ROBO1: variants seen among roughly 807,000 people sequenced by gnomAD.
ROBO1 encodes roundabout homolog 1.
A neutral mutation model predicts 195.9 loss-of-function variants in ROBO1; 149 were observed. That is an observed-to-expected ratio of 0.76 (90% CI 0.67 to 0.87). The LOEUF (loss-of-function observed/expected upper bound fraction) is 0.87, where lower values mean the gene tolerates loss of function less well. Ranked by LOEUF, ROBO1 falls within the 40% of genes least tolerant of loss-of-function variation. The pLI, the probability that ROBO1 is intolerant of heterozygous loss-of-function variation, is 0.00. For synonymous variants in ROBO1, 816 were observed against 733.2 expected, an observed-to-expected ratio of 1.11 and a Z score of -1.82; for missense variants, 1,933 against 2,068.3, an observed-to-expected ratio of 0.93 and a Z score of 1.27.
intron 1 of ROBO1, among the ~76,000 whole-genome samples, chr3:79,615,420 T>C (rs1410937122): frequency 2.0e-5 from 3 of 152,244 alleles, no homozygotes; most frequent in Non-Finnish European, 4.4e-5. Context: ...CCCTAAAACA[T>C]ATAAATCCAA....
At position 79,069,830 on chromosome 3, in the gene ROBO1, C is replaced by A. The variant is rs115228150; in HGVS notation, c.172+55626G>T. ...TATTGAATTAATCAGTATATGAGAACAATTCCCAGAAAATAATAGTTATAA... is the reference window on the plus strand; with the variant it reads ...TATTGAATTAATCAGTATATGAGAAAAATTCCCAGAAAATAATAGTTATAA... On this transcript the variant is annotated intron_variant, in intron 3 of 30. Transcript: ENST00000464233. Among the ~76,000 whole-genome samples the A allele has an allele frequency of 4.2e-3, 644 of 152,000 alleles. 10 individuals carry two copies. Among genetic ancestry groups the A allele is most frequent in the African/African-American group, 0.015 (612 of 41,532 alleles).
chr3:78,650,311 A>C lies in ROBO1; in HGVS notation c.2812+1421T>G, dbSNP rs889005726. Among the ~76,000 whole-genome samples the C allele has an allele frequency of 2.0e-5, 3 of 152,252 alleles. No homozygotes were observed. In the South Asian group the frequency reaches 6.2e-4, roughly 32 times the overall value. On this transcript the variant is annotated intron_variant, in intron 19 of 30. Coordinates refer to ENST00000464233, the MANE Select transcript of ROBO1 (RefSeq NM_002941.4). ...ATTTCACAGGCGGGAATATTGACAT[A>C]CTGCTTCATCCCTAGAGAGGACACA...
chr3:79,085,021 C>A (rs1246912404), intron 3 of ROBO1, among the ~76,000 whole-genome samples: 1 of 152,112 alleles, frequency 6.6e-6, no homozygotes, highest in Non-Finnish European at 1.5e-5. Context: ...TAGTTACTAA[C>A]ATTTTTATAT....
At chr3:79,503,022 G>A (rs188175821) in intron 2 of ROBO1, among the ~76,000 whole-genome samples, 3 of 152,284 alleles carry the variant, frequency 2.0e-5, no homozygotes, top group Admixed American at 6.5e-5. Context: ...AGCAGGCTGC[G>A]TGAGCTAACA....
intron 2 of ROBO1, among the ~76,000 whole-genome samples, chr3:79,350,139 T>C (rs1433507361): frequency 6.6e-6 from 1 of 152,224 alleles, no homozygotes; most frequent in African/African-American, 2.4e-5. Context: ...TCTGAATGGA[T>C]ATTTCTCCAG....
At chr3:78,724,240 A>G (rs2082110249) in intron 5 of ROBO1, among the ~76,000 whole-genome samples, 1 of 152,202 alleles carries the variant, frequency 6.6e-6, no homozygotes, top group African/African-American at 2.4e-5. Context: ...TTAAAAGGCC[A>G]TAATTCTACT....
chr3:79,501,438 A>G (rs1940064419), intron 2 of ROBO1, among the ~76,000 whole-genome samples: 1 of 152,232 alleles, frequency 6.6e-6, no homozygotes, highest in South Asian at 2.1e-4. Flanking sequence ...AAAATATTAA[A>G]TGCAAATGTG....
chr3:79,548,950 C>T (rs182754212), intron 2 of ROBO1, among the ~76,000 whole-genome samples: 1 of 152,258 alleles, frequency 6.6e-6, no homozygotes, highest in East Asian at 1.9e-4. Context: ...TGCTCTTCTC[C>T]TCAGTAGAGA....
chr3:78,625,838 G>C (rs112669758), intron 26 of ROBO1, among the ~76,000 whole-genome samples: 4 of 151,874 alleles, frequency 2.6e-5, no homozygotes, highest in Non-Finnish European at 5.9e-5. Context: ...GTGCGAATGC[G>C]AATCAGGAAG....
At chr3:79,402,486 G>A (rs2037402517) in intron 2 of ROBO1, among the ~76,000 whole-genome samples, 1 of 151,878 alleles carries the variant, frequency 6.6e-6, no homozygotes, top group African/African-American at 2.4e-5. Context: ...ATTTTGAGGG[G>A]AAGGAAAACT....
At chr3:78,780,856 AT>A (rs1298519768) in intron 4 of ROBO1, among the ~76,000 whole-genome samples, 1 of 151,162 alleles carries the variant, frequency 6.6e-6, no homozygotes, top group Non-Finnish European at 1.5e-5. Context: ...TTTTATTATG[AT>A]TTTTTAGGTT....
rs986619966 is a variant in ROBO1 at position 78,785,415 on chromosome 3, G to A, written c.500-38515C>T. On this transcript the variant is annotated intron_variant, in intron 4 of 30. Transcript: ENST00000464233. ...ACTTACTACCTACCCATACAAAATC[G>A]CTATCATTTATTATTTTACTGCTTC... is the stretch of plus-strand genomic sequence containing the variant. Among the ~76,000 whole-genome samples, 4 of 152,102 alleles carry A rather than the reference G, an allele frequency of 2.6e-5. No individual in the cohort carries two copies. The East Asian group carries it at 5.8e-4, about 22-fold the overall frequency.
chr3:79,663,021 G>C (rs1161616699), intron 1 of ROBO1, among the ~76,000 whole-genome samples: 1 of 152,008 alleles, frequency 6.6e-6, no homozygotes, highest in Non-Finnish European at 1.5e-5. Flanking sequence ...TTTGATGTTA[G>C]AACTCAGAAG....
chr3:79,592,816 T>A (rs1237824830), intron 1 of ROBO1, among the ~76,000 whole-genome samples: 1 of 152,068 alleles, frequency 6.6e-6, no homozygotes, highest in Non-Finnish European at 1.5e-5. Flanking sequence ...TGAACAAATG[T>A]ATATGACACA....
chr3:78,711,447 CCTTCCTTCCTTCCT>C (rs2081740426), intron 8 of ROBO1, among the ~76,000 whole-genome samples: 1 of 98,272 alleles, frequency 1.0e-5, no homozygotes, highest in African/African-American at 4.3e-5. Flanking sequence ...TTCTTTCCTT[CCTTCCTTCCTTCCT>C]TCCTTTTCTC....
chr3:79,650,979 T>A (rs1397188413), intron 1 of ROBO1, among the ~76,000 whole-genome samples: 1 of 152,102 alleles, frequency 6.6e-6, no homozygotes, highest in Non-Finnish European at 1.5e-5. Context: ...AATATTTGCA[T>A]CTGAAATTCT....
chr3:78,862,192 G>A (rs1421403602), intron 4 of ROBO1, among the ~76,000 whole-genome samples: 1 of 152,178 alleles, frequency 6.6e-6, no homozygotes, highest in Middle Eastern at 3.4e-3. Context: ...AGTCAGAGAG[G>A]CTCTAAGTGT....
chr3:79,688,140 G>A (rs1467467929), intron 1 of ROBO1, among the ~76,000 whole-genome samples: 1 of 146,692 alleles, frequency 6.8e-6, no homozygotes. Flanking sequence ...AACACCGCAT[G>A]TTCTCACTCA....
At chr3:78,888,686 A>C (rs1000450669) in intron 4 of ROBO1, among the ~76,000 whole-genome samples, 1 of 152,100 alleles carries the variant, frequency 6.6e-6, no homozygotes. Flanking sequence ...TTTTGTCTTG[A>C]CTTCAAAGAG....
Sources: allele counts gnomAD v4.1 joint callset (sites outside exome capture counted in the v4.1 genomes callset), GRCh38; gene constraint gnomAD v4.1.1; transcripts MANE v1.5; gene names NCBI Gene and HGNC (gene_info 2026-07-23, HGNC 2026-07-21).